Variants in OVCH2 observed in about 807,000 individuals in gnomAD.
The protein encoded by OVCH2 is ovochymase 2.
OVCH2 carries 88 observed loss-of-function variants against 73.7 expected under a neutral mutation model. The observed-to-expected ratio is 1.19, with a 90% CI of 1.01 to 1.43. OVCH2 has a LOEUF of 1.43. Ranked by LOEUF, OVCH2 falls within the 40% of genes most tolerant of loss-of-function variation. The probability of loss-of-function intolerance (pLI) is 0.00; values close to 1 mark genes in which losing one functional copy is unlikely to be tolerated. For missense variants in OVCH2, 706 were observed against 674.5 expected, an observed-to-expected ratio of 1.05 and a Z score of -0.52; for synonymous variants, 265 against 234.5, an observed-to-expected ratio of 1.13 and a Z score of -1.19.
rs1856381237 is a variant in OVCH2, at chr11:7,698,770, T to A, written c.905A>T (p.Asn302Ile). 3.1e-6 allele frequency: 5 copies of A among 1,612,790 alleles called. No homozygotes were observed. In the East Asian group the frequency reaches 1.1e-4, roughly 36 times the overall value. ...PWIHEHIQTG[N>I]RRKSSRAWCS... ...CCCACCTCTGGAGCTCTTTCTCCGA[T>A]TACCTGGGAAAGGAAAAGAAGGATG... Residue 302 changes from asparagine to isoleucine, a missense_variant, in exon 8 of 16, where the codon AAT (asparagine) becomes ATT (isoleucine). By Grantham distance (149) the Asn-to-Ile change is moderately radical. Coordinates refer to ENST00000533663, the MANE Select transcript of OVCH2 (RefSeq NM_198185.7).
intron 1 of OVCH2, chr11:7,705,706 C>T (rs1401322797): frequency 6.6e-6 from 1 of 152,122 alleles, no homozygotes; most frequent in Non-Finnish European, 1.5e-5. Flanking sequence ...GGAACAAAAG[C>T]TTATTTTCTA....
At chr11:7,701,986 G>A (rs547383687) in intron 4 of OVCH2, among the ~76,000 whole-genome samples, 171 bp downstream of exon 4, 19 of 152,318 alleles carry the variant, frequency 1.2e-4, no homozygotes, top group Admixed American at 5.9e-4. Flanking sequence ...CTGACTCCAT[G>A]TAATGCTATC....
At chr11:7,696,967 T>C (rs1856348903) in intron 8 of OVCH2, 168 bp from the exon 9 acceptor site, 1 of 622,094 alleles carries the variant, frequency 1.6e-6, no homozygotes, top group Non-Finnish European at 2.8e-6. Context: ...TTTGGTTCCT[T>C]TTAGATCCTG....
At chr11:7,705,009 A>T (rs1049764779) in intron 1 of OVCH2, among the ~76,000 whole-genome samples, 1 of 151,968 alleles carries the variant, frequency 6.6e-6, no homozygotes, top group Non-Finnish European at 1.5e-5. Flanking sequence ...GGGTTTTCTG[A>T]CTCCTCAGCA....
intron 11 of OVCH2, 69 bp from the exon 12 acceptor site, chr11:7,695,257 T>C (rs1856307254): frequency 1.4e-6 from 2 of 1,453,066 alleles, no homozygotes; most frequent in Admixed American, 5.2e-5. Flanking sequence ...CTGCTCTCCC[T>C]CCTGTCTCCT....
Position 7,691,329 on chromosome 11 carries a change from A to G in OVCH2, c.1579T>C (p.Ser527Pro). ...PSSIMLISFQ[S>P]DENGTCRGFQ... ...CCCCTGCAGGTCCCGTTTTCATCTG[A>G]TTGGAAGCTGATGAGCATGATGCTG... The change falls in exon 14 of 16, where the codon TCA (serine) becomes CCA (proline). Residue 527 changes from serine (S) to proline (P), a missense_variant. By Grantham distance (74) the Ser-to-Pro change is moderately conservative. Transcript: ENST00000533663. The G allele has an allele frequency of 6.2e-7, 1 of 1,613,796 alleles. No homozygotes were observed.
intron 8 of OVCH2, among the ~76,000 whole-genome samples, chr11:7,697,773 G>T (rs1687470023): frequency 6.6e-6 from 1 of 151,742 alleles, no homozygotes; most frequent in Admixed American, 6.6e-5. Flanking sequence ...TTCATTTCTT[G>T]TCTCTCAAAC....
chr11:7,704,662 C>T lies in OVCH2; in HGVS notation c.101G>A (p.Gly34Glu). ...TLSLPKAPSC[G>E]QSLVKVQPWN... is the part of the protein sequence containing the mutation. The stretch of plus-strand genomic sequence containing the variant: ...AGGCTGTACCTTAACCAGACTCTGC[C>T]CACAACTGGGAGCTGAGAAAAAAAC... The change falls in exon 2 of 16, where the codon GGG becomes GAG. Residue 34 changes from glycine (G) to glutamate (E), a missense_variant. Physicochemically the swap from Gly to Glu is moderately conservative, Grantham distance 98. Coordinates refer to ENST00000533663, the MANE Select transcript of OVCH2 (RefSeq NM_198185.7). The T allele has an allele frequency of 6.2e-7, 1 of 1,611,164 alleles. No individual in the cohort carries two copies. Among genetic ancestry groups the T allele is most frequent in the Non-Finnish European group, 8.5e-7 (1 of 1,178,518 alleles).
intron 2 of OVCH2, among the ~76,000 whole-genome samples, chr11:7,704,243 A>C (rs772107920): frequency 2.0e-5 from 3 of 152,162 alleles, no homozygotes; most frequent in Non-Finnish European, 2.9e-5. Flanking sequence ...TCTTAGGGAA[A>C]TGGTTTGGAT....
rs185446822 is a variant in OVCH2 at position 7,691,371 on chromosome 11, G to T, written c.1537C>A (p.Pro513Thr). 1 of 1,613,610 alleles carries T rather than the reference G, an allele frequency of 6.2e-7. No individual in the cohort carries two copies. Among genetic ancestry groups the T allele is most frequent in the Non-Finnish European group, 8.5e-7 (1 of 1,179,798 alleles). The change falls in exon 14 of 16, where the codon CCT (proline) becomes ACT (threonine). Residue 513 changes from proline (P) to threonine (T), a missense_variant. Pro to Thr is a conservative substitution (Grantham distance 38). Coordinates refer to ENST00000533663, the MANE Select transcript of OVCH2 (RefSeq NM_198185.7). The part of the protein sequence containing the change: ...ARLCGYDVPT[P>T]VLSPSSIMLI... The stretch of plus-strand genomic sequence containing the variant: ...ATGATGCTGGAGGGGCTCAGCACAG[G>T]GGTGGGGACATCATAGCCACACAGC...
chr11:7,701,634 A>G (rs1244861389), intron 5 of OVCH2, 82 bp downstream of exon 5: 5 of 1,494,078 alleles, frequency 3.3e-6, no homozygotes, highest in Non-Finnish European at 3.6e-6. Flanking sequence ...GATTTTTAAA[A>G]ATGGATTAAA....
At chr11:7,693,029 A>G (rs1244821984) in intron 12 of OVCH2, among the ~76,000 whole-genome samples, 3 of 152,238 alleles carry the variant, frequency 2.0e-5, no homozygotes, top group Admixed American at 2.0e-4. Context: ...GAGGGGAACT[A>G]TCTAGATAGA....
In OVCH2 at chr11:7,701,557, G is replaced by A. The variant is rs181527224; in HGVS notation, c.560-82C>T. The A allele has an allele frequency of 2.3e-3, 3,496 of 1,526,056 alleles. 3 individuals carry two copies. Among genetic ancestry groups the A allele is most frequent in the Non-Finnish European group, 2.8e-3 (3,130 of 1,130,954 alleles). 94.5% of individuals were successfully genotyped at this position (1,526,056 alleles called of 1,614,324 possible). On this transcript the variant is annotated intron_variant, in intron 5 of 15. Transcript: ENST00000533663. The stretch of plus-strand genomic sequence containing the variant: ...AAGATGCATCATTTGTGTTTGTGTC[G>A]CTTGGCAAGACTTGAATTTCTAAGT...
At chr11:7,687,433 A>G (rs1353394231), downstream of OVCH2, among the ~76,000 whole-genome samples, 2 of 152,142 alleles carry the variant, frequency 1.3e-5, no homozygotes, top group Admixed American at 6.5e-5. Context: ...AACTGCTTCT[A>G]TGACTCTATG....
chr11:7,704,946 T>C (rs914002834), intron 1 of OVCH2, among the ~76,000 whole-genome samples: 2 of 152,212 alleles, frequency 1.3e-5, no homozygotes, highest in African/African-American at 4.8e-5. Flanking sequence ...CCTCCCTCTT[T>C]ATGTAAAATA....
At position 7,691,353 on chromosome 11, in the gene OVCH2, T is replaced by C; in HGVS notation, c.1555A>G (p.Ser519Gly). Reference protein sequence around the residue: ...DVPTPVLSPSSIMLISFQSDE... With the variant: ...DVPTPVLSPSGIMLISFQSDE... ...GATTGGAAGCTGATGAGCATGATGC[T>C]GGAGGGGCTCAGCACAGGGGTGGGG... The change falls in exon 14 of 16, where the codon AGC becomes GGC. Residue 519 changes from serine (S) to glycine (G), a missense_variant. Physicochemically the swap from Ser to Gly is moderately conservative, Grantham distance 56. Coordinates refer to ENST00000533663, the MANE Select transcript of OVCH2 (RefSeq NM_198185.7). 6.2e-7 allele frequency: 1 copy of C among 1,613,856 alleles called. No homozygotes were observed. The highest frequency in any genetic ancestry group is 1.1e-5 in the South Asian group (1 of 91,070).
chr11:7,698,474 C>T (rs933607742), intron 8 of OVCH2, among the ~76,000 whole-genome samples: 5 of 152,152 alleles, frequency 3.3e-5, no homozygotes, highest in Non-Finnish European at 7.3e-5. Context: ...CTGACCACAT[C>T]GGCACTGCCT....
chr11:7,700,275 C>T (rs777104892), intron 7 of OVCH2, 21 bp downstream of exon 7: 1 of 1,611,110 alleles, frequency 6.2e-7, no homozygotes, highest in Non-Finnish European at 8.5e-7. Flanking sequence ...GCTTCTTAAC[C>T]TTGTGTGATG....
At chr11:7,693,335 C>T (rs146813629) in intron 12 of OVCH2, among the ~76,000 whole-genome samples, 1 of 152,260 alleles carries the variant, frequency 6.6e-6, no homozygotes, top group South Asian at 2.1e-4. Context: ...ATTTATTAAA[C>T]CCTTACTGGG....
Sources: gnomAD v4.1 joint callset for allele counts (sites outside exome capture counted in the v4.1 genomes callset) on GRCh38, gnomAD v4.1.1 for gene constraint, MANE v1.5 for transcripts, NCBI Gene and HGNC (gene_info 2026-07-23, HGNC 2026-07-21) for gene names.